AP1G1: variants seen among roughly 807,000 people sequenced by gnomAD.
The protein encoded by AP1G1 is adaptor related protein complex 1 subunit gamma 1.
Under a neutral mutation model 108.3 loss-of-function variants are expected in AP1G1, and 7 were observed. The ratio of observed to expected loss-of-function variants is 0.06; its 90% CI spans 0.04 to 0.12. The LOEUF is 0.12. AP1G1 is among the 10% of genes least tolerant of loss of function. The pLI is 1.00. For synonymous variants in AP1G1, 379 were observed against 353.5 expected, an observed-to-expected ratio of 1.07 and a Z score of -0.81; for missense variants, 756 against 1,010.7, an observed-to-expected ratio of 0.75 and a Z score of 3.42.
At chr16:71,769,587 A>T in intron 6 of AP1G1, 36 bp downstream of exon 6, 1 of 1,567,380 alleles carries the variant, frequency 6.4e-7, no homozygotes, top group Non-Finnish European at 8.8e-7. Context: ...TCATTTTTCA[A>T]TCAAGAAAGG....
chr16:71,735,977 A>G (rs1251160516), intron 21 of AP1G1, among the ~76,000 whole-genome samples: 3 of 150,482 alleles, frequency 2.0e-5, no homozygotes, highest in African/African-American at 7.3e-5. Context: ...CTAAAAATAC[A>G]AAAATTAGCT....
chr16:71,808,661 G>C (rs758634366), intron 1 of AP1G1, 102 bp downstream of exon 1: 1 of 1,289,002 alleles, frequency 7.8e-7, no homozygotes, highest in Non-Finnish European at 1.0e-6. Flanking sequence ...CCACAGCCTG[G>C]GACTGGACCC....
intron 10 of AP1G1, among the ~76,000 whole-genome samples, chr16:71,759,338 G>A (rs1234188831): frequency 1.3e-5 from 2 of 152,142 alleles, no homozygotes; most frequent in Non-Finnish European, 1.5e-5. Flanking sequence ...TTAGGTGCCT[G>A]TAGTCCCAGC....
intron 15 of AP1G1, among the ~76,000 whole-genome samples, chr16:71,749,123 G>A (rs778479424): frequency 3.4e-4 from 52 of 152,030 alleles, no homozygotes; most frequent in South Asian, 1.2e-3. Flanking sequence ...TAGCCAGGAT[G>A]GTCTGGCTAA....
intron 11 of AP1G1, among the ~76,000 whole-genome samples, chr16:71,757,365 C>T (rs534188118): frequency 1.3e-3 from 198 of 150,794 alleles, no homozygotes; most frequent in Non-Finnish European, 2.5e-3. Context: ...ACAGGAGAAT[C>T]GCTTGAACTC....
chr16:71,783,463 C>G (rs2032096021), intron 2 of AP1G1, among the ~76,000 whole-genome samples: 1 of 152,042 alleles, frequency 6.6e-6, no homozygotes, highest in African/African-American at 2.4e-5. Flanking sequence ...GCAACAGAAA[C>G]AAGAGCTCTA....
chr16:71,749,218 T>C (rs8044144), intron 15 of AP1G1, among the ~76,000 whole-genome samples: 130,896 of 151,928 alleles, frequency 0.86, 56,510 homozygotes, highest in East Asian at 0.99. Flanking sequence ...CACTCAGCAA[T>C]GCCTGTTAAT....
intron 1 of AP1G1, among the ~76,000 whole-genome samples, chr16:71,790,646 T>C (rs996816561): frequency 2.0e-5 from 3 of 152,164 alleles, no homozygotes; most frequent in African/African-American, 7.2e-5. Context: ...AAGATAGTCT[T>C]TCAATGAATG....
intron 1 of AP1G1, among the ~76,000 whole-genome samples, chr16:71,794,835 C>CCTTTTTTTTTTTTTT (rs574266046): frequency 2.5e-5 from 1 of 39,632 alleles, no homozygotes; most frequent in African/African-American, 1.0e-4. Flanking sequence ...ATGAGAAGTG[C>CCTTTTTTTTTTTTTT]TTTTTTTTTT....
At position 71,789,232 on chromosome 16, in the gene AP1G1, C is replaced by T. The variant is rs780193637; in HGVS notation, c.201+47G>A. Reference sequence around the variant, plus strand: ...AAAAAGATGGACAATCCCTGAGCAACAATGTCAAAGAATACCCTTGCTACA... The same window carrying T: ...AAAAAGATGGACAATCCCTGAGCAATAATGTCAAAGAATACCCTTGCTACA... On this transcript the variant is annotated intron_variant, in intron 2 of 22. Transcript: ENST00000299980. 3.3e-6 allele frequency: 5 copies of T among 1,534,824 alleles called. No homozygotes were observed. The African/African-American group carries it at 6.8e-5, about 21-fold the overall frequency.
intron 1 of AP1G1, among the ~76,000 whole-genome samples, chr16:71,801,562 C>T (rs1343508605): frequency 6.6e-6 from 1 of 152,156 alleles, no homozygotes; most frequent in African/African-American, 2.4e-5. Context: ...ATAGGGTAAA[C>T]ATCCCTAATC....
rs1379657299 is a variant in AP1G1 at position 71,754,442 on chromosome 16, A to G, written c.1230-555T>C. Among the ~76,000 whole-genome samples the G allele has an allele frequency of 2.0e-5, 3 of 152,338 alleles. No homozygotes were observed. In the East Asian group the frequency reaches 5.8e-4, roughly 29 times the overall value. The stretch of plus-strand genomic sequence containing the variant: ...TTCTAGGTTCCCTGGATAAGTGAAC[A>G]TATCTGGAAACATTTCAACTTCAAA... On this transcript the variant is annotated intron_variant, in intron 12 of 22. Coordinates refer to ENST00000299980, the MANE Select transcript of AP1G1 (RefSeq NM_001128.6).
In AP1G1 at chr16:71,745,604, G is replaced by A. The variant is rs565343527; in HGVS notation, c.1741C>T (p.Leu581Phe). Residue 581 changes from leucine to phenylalanine, a missense_variant, in exon 18 of 23, where the codon CTT (leucine) becomes TTT (phenylalanine). Around this residue, in one of 3 missense-constraint regions of AP1G1, gnomAD observed 357 missense variants for 366.5 expected, o/e 0.97. Coordinates refer to ENST00000299980, the MANE Select transcript of AP1G1 (RefSeq NM_001128.6). ...KKYDHMRSAL[L>F]ERMPVMEKVT... ...TTTTCCATGACAGGCATTCTCTCAA[G>A]TAGGGCAGACCTAGAAGAATCTGAA... The A allele has an allele frequency of 8.7e-6, 14 of 1,614,122 alleles. 1 individual carries two copies. The Admixed American group carries it at 1.3e-4, about 15-fold the overall frequency.
intron 19 of AP1G1, among the ~76,000 whole-genome samples, chr16:71,741,617 T>C (rs2045622816): frequency 6.6e-6 from 1 of 152,074 alleles, no homozygotes; most frequent in Admixed American, 6.6e-5. Context: ...TATTAAAAAT[T>C]AGCAAAGAGA....
intron 14 of AP1G1, 61 bp downstream of exon 14, chr16:71,750,149 A>G (rs1404558680): frequency 3.8e-6 from 6 of 1,595,390 alleles, no homozygotes; most frequent in Middle Eastern, 1.8e-4. Flanking sequence ...AAAAGAAGAA[A>G]AACATACCAG....
intron 1 of AP1G1, among the ~76,000 whole-genome samples, chr16:71,800,021 G>C (rs968072564): frequency 6.6e-6 from 1 of 151,164 alleles, no homozygotes; most frequent in Non-Finnish European, 1.5e-5. Flanking sequence ...AGGAGTTCGA[G>C]ATCAGCCTGA....
intron 1 of AP1G1, among the ~76,000 whole-genome samples, chr16:71,801,843 A>C (rs1240142810): frequency 2.0e-5 from 3 of 149,882 alleles, no homozygotes; most frequent in African/African-American, 7.4e-5. Context: ...AATGGCATGA[A>C]CCCGGGAGGC....
chr16:71,752,438 CATATAA>C (rs1166956322), intron 13 of AP1G1, among the ~76,000 whole-genome samples: 1 of 152,086 alleles, frequency 6.6e-6, no homozygotes, highest in Non-Finnish European at 1.5e-5. Flanking sequence ...AATACATATA[CATATAA>C]GTCATAATTT....
intron 3 of AP1G1, among the ~76,000 whole-genome samples, chr16:71,774,018 C>T (rs1470867739): frequency 5.4e-5 from 8 of 148,660 alleles, no homozygotes; most frequent in Admixed American, 2.0e-4. Context: ...TCTGAGATCA[C>T]GCCACTGCAG....
Sources: allele counts gnomAD v4.1 joint callset (sites outside exome capture counted in the v4.1 genomes callset), GRCh38; gene constraint gnomAD v4.1.1; regional missense constraint gnomAD v4.1.1; transcripts MANE v1.5; gene names NCBI Gene and HGNC (gene_info 2026-07-23, HGNC 2026-07-21).